The following PFKFB1 variants were observed in gnomAD, a reference collection of about 807,000 sequenced individuals.
PFKFB1 encodes the protein 6-phosphofructo-2-kinase/fructose-2,6-biphosphatase 1, also known as 6-phosphofructo-2-kinase/fructose-2,6-bisphosphatase 1.
In PFKFB1, 34 loss-of-function variants were observed where a neutral mutation model predicts 46.4. That is an observed-to-expected ratio of 0.73 (90% CI 0.56 to 0.98). The LOEUF is 0.98. PFKFB1 is among the 50% of genes least tolerant of loss of function. PFKFB1 has a pLI of 0.00. For missense variants in PFKFB1, 393 were observed against 376.3 expected (o/e 1.04, Z -0.37); for synonymous variants, 119 against 133.8 (o/e 0.89, Z 0.76).
intron 6 of PFKFB1, among the ~76,000 whole-genome samples, chrX:54,956,634 G>A (rs972498951): frequency 9.9e-5 from 11 of 111,313 alleles, no homozygotes; most frequent in Non-Finnish European, 1.7e-4. Context: ...CATGTATCAA[G>A]TGTTTACCGG....
At chrX:54,978,726 T>C (rs754151781) in intron 1 of PFKFB1, among the ~76,000 whole-genome samples, 2 of 111,816 alleles carry the variant, frequency 1.8e-5, no homozygotes, top group Non-Finnish European at 3.8e-5. Context: ...GTCATGTTGA[T>C]ATCATCTTCC....
intron 5 of PFKFB1, 80 bp downstream of exon 5, chrX:54,958,771 T>C (rs746631267): frequency 1.7e-5 from 11 of 657,872 alleles, no homozygotes; most frequent in Non-Finnish European, 2.6e-5. Context: ...ATTTGGCCGC[T>C]CTGAGTCCCC....
intron 1 of PFKFB1, among the ~76,000 whole-genome samples, chrX:54,982,540 C>T (rs773634965): frequency 1.1e-4 from 12 of 111,784 alleles, no homozygotes; most frequent in Middle Eastern, 4.6e-3. Flanking sequence ...AAAAGCAATA[C>T]AGTATAACAA....
rs1483302669 is a variant in PFKFB1 at position 54,958,839 on chromosome X, G to A, written c.459+12C>T. 3.6e-6 allele frequency: 4 copies of A among 1,111,244 alleles called. No individual in the cohort carries two copies. The African/African-American group carries it at 7.2e-5, about 20-fold the overall frequency. The allele number at this position is 1,111,244 out of a possible 1,213,427, so 91.6% of individuals were successfully genotyped here. ...AAATAGGCTCTAGATAAGAGTTGGAGTGTTACCATACCTTGTAACCATGTT... is the reference window on the plus strand; with the variant it reads ...AAATAGGCTCTAGATAAGAGTTGGAATGTTACCATACCTTGTAACCATGTT... On this transcript the variant is annotated intron_variant, in intron 5 of 13. Transcript: ENST00000375006.
At chrX:54,988,234 T>C (rs947786513) in intron 1 of PFKFB1, among the ~76,000 whole-genome samples, 2 of 111,660 alleles carry the variant, frequency 1.8e-5, no homozygotes, top group African/African-American at 6.5e-5. Context: ...AAAACAATTT[T>C]ATTTACAATA....
Position 54,969,328 on chromosome X carries a change from C to T in PFKFB1, c.98-5946G>A, listed in dbSNP as rs141711219. ...TTCCTGATAAAAGGATAAGTTTGGCCCCCACACTCGCATGCACAGGCACGC... is the reference window on the plus strand; with the variant it reads ...TTCCTGATAAAAGGATAAGTTTGGCTCCCACACTCGCATGCACAGGCACGC... On this transcript the variant is annotated intron_variant, in intron 1 of 13. Coordinates refer to ENST00000375006, the MANE Select transcript of PFKFB1 (RefSeq NM_002625.4). Among the ~76,000 whole-genome samples, 58 of 111,409 alleles carry T rather than the reference C, an allele frequency of 5.2e-4. No homozygotes were observed. In the East Asian group the frequency reaches 0.015, roughly 28 times the overall value.
intron 7 of PFKFB1, among the ~76,000 whole-genome samples, chrX:54,954,989 G>A (rs1309405399): frequency 8.9e-6 from 1 of 111,855 alleles, no homozygotes; most frequent in East Asian, 2.8e-4. Context: ...CCGGCCTTCA[G>A]GCTCCTTTCA....
Position 54,949,844 on chromosome X carries a change from G to A in PFKFB1, c.847-623C>T, listed in dbSNP as rs996524275. 2.7e-5 allele frequency among the ~76,000 whole-genome samples: 3 copies of A among 112,845 alleles called. No homozygotes were observed. The Admixed American group carries it at 2.8e-4, about 11-fold the overall frequency. ...TAGGTTTGGGGTTACCCAGAGTATG[G>A]ACTGGAAGTAGGGGTTGTGGGATTT... On this transcript the variant is annotated intron_variant, in intron 8 of 13. Transcript: ENST00000375006.
intron 7 of PFKFB1, among the ~76,000 whole-genome samples, chrX:54,954,518 T>C (rs1934079138): frequency 8.9e-6 from 1 of 112,058 alleles, no homozygotes; most frequent in South Asian, 3.7e-4. Context: ...GTCTCAAAAA[T>C]TAAAAATAAA....
At chrX:54,941,351 A>C (rs1400719841) in intron 10 of PFKFB1, among the ~76,000 whole-genome samples, 1 of 112,244 alleles carries the variant, frequency 8.9e-6, no homozygotes, top group Non-Finnish European at 1.9e-5. Context: ...CATGTCTAAA[A>C]CACCAAAAGC....
At chrX:54,987,738 C>G (rs1935143375) in intron 1 of PFKFB1, among the ~76,000 whole-genome samples, 1 of 110,723 alleles carries the variant, frequency 9.0e-6, no homozygotes, top group Admixed American at 9.6e-5. Context: ...ACCAAATGAT[C>G]ATCATAATAG....
intron 1 of PFKFB1, among the ~76,000 whole-genome samples, chrX:54,976,234 T>C (rs1444617693): frequency 9.0e-6 from 1 of 111,710 alleles, no homozygotes; most frequent in Non-Finnish European, 1.9e-5. Context: ...ACTTGTACAT[T>C]ATATATCTGG....
At chrX:54,940,438 G>C (rs1933580823) in intron 10 of PFKFB1, among the ~76,000 whole-genome samples, 1 of 111,870 alleles carries the variant, frequency 8.9e-6, no homozygotes, top group Non-Finnish European at 1.9e-5. Context: ...ATTAGGAAAA[G>C]AGGAAGTCAA....
chrX:54,972,868 G>A (rs1934718192), intron 1 of PFKFB1, among the ~76,000 whole-genome samples: 1 of 111,635 alleles, frequency 9.0e-6, no homozygotes, highest in African/African-American at 3.3e-5. Flanking sequence ...GAGTTAAAGA[G>A]GATTCCCTCT....
intron 1 of PFKFB1, among the ~76,000 whole-genome samples, chrX:54,980,127 C>T (rs1488059378): frequency 1.8e-5 from 2 of 111,322 alleles, no homozygotes; most frequent in Non-Finnish European, 1.9e-5. Flanking sequence ...TCAGCCAATA[C>T]CTTGATTGTA....
intron 7 of PFKFB1, 52 bp from the exon 8 acceptor site, chrX:54,952,164 G>A: frequency 9.9e-7 from 1 of 1,013,176 alleles, no homozygotes; most frequent in Middle Eastern, 2.9e-4. Flanking sequence ...AATGGTGGTA[G>A]GGTTGACCCC....
chrX:54,966,072 T>C (rs774193894), intron 1 of PFKFB1, among the ~76,000 whole-genome samples: 71 of 111,437 alleles, frequency 6.4e-4, no homozygotes, highest in Non-Finnish European at 1.0e-3. Flanking sequence ...AACAGAAAGA[T>C]GGTAGATTTT....
intron 1 of PFKFB1, among the ~76,000 whole-genome samples, chrX:54,971,772 G>C (rs1233425537): frequency 1.8e-5 from 2 of 111,982 alleles, no homozygotes; most frequent in African/African-American, 6.5e-5. Context: ...CAGGTAGCGT[G>C]ATGCCTCCAG....
chrX:54,979,647 C>A (rs747295127), intron 1 of PFKFB1, among the ~76,000 whole-genome samples: 1 of 111,672 alleles, frequency 9.0e-6, no homozygotes, highest in East Asian at 2.8e-4. Flanking sequence ...TAGCCTGGAG[C>A]AGTGTTTCAC....
Sources: allele counts gnomAD v4.1 joint callset (sites outside exome capture counted in the v4.1 genomes callset), GRCh38; gene constraint gnomAD v4.1.1; transcripts MANE v1.5; gene names NCBI Gene and HGNC (gene_info 2026-07-23, HGNC 2026-07-21).